RNF166: variants seen among roughly 807,000 people sequenced by gnomAD.
The protein encoded by RNF166 is ring finger protein 166.
Under a neutral mutation model 29.4 loss-of-function variants are expected in RNF166, and 19 were observed. The observed-to-expected ratio is 0.65, with a 90% CI of 0.45 to 0.95. RNF166 has a LOEUF of 0.95. Among genes scored for constraint, RNF166 ranks in the 40% least tolerant of loss-of-function variants. The pLI is 0.00. For synonymous variants in RNF166, 171 were observed against 134.5 expected, an observed-to-expected ratio of 1.27 and a Z score of -1.88; for missense variants, 347 against 322.1, an observed-to-expected ratio of 1.08 and a Z score of -0.59.
chr16:88,700,671 G>T, intron 2 of RNF166: 7 of 986,984 alleles, frequency 7.1e-6, no homozygotes, highest in Non-Finnish European at 8.4e-6. Flanking sequence ...GCTGGCTGGG[G>T]CCTCTCCACC....
At chr16:88,700,119 G>A (rs1347142404) in intron 2 of RNF166, 1 of 163,016 alleles carries the variant, frequency 6.1e-6, no homozygotes, top group Non-Finnish European at 1.4e-5. Flanking sequence ...GGGGCAAGCT[G>A]GGGATGCTTC....
intron 1 of RNF166, chr16:88,703,356 C>T (rs985811271): frequency 6.1e-6 from 6 of 985,460 alleles, no homozygotes; most frequent in Non-Finnish European, 7.2e-6. Flanking sequence ...CACAGCACGG[C>T]CACGGGCTGA....
At chr16:88,705,714 T>G (rs1910719371) in intron 1 of RNF166, among the ~76,000 whole-genome samples, 1 of 152,250 alleles carries the variant, frequency 6.6e-6, no homozygotes, top group South Asian at 2.1e-4. Flanking sequence ...ACTCCTTTCC[T>G]CTGTAGTCAA....
chr16:88,705,492 G>T (rs1049884836), intron 1 of RNF166, among the ~76,000 whole-genome samples: 5 of 152,230 alleles, frequency 3.3e-5, no homozygotes, highest in Non-Finnish European at 4.4e-5. Flanking sequence ...CTCCCCGCCA[G>T]GAGAGCCACG....
In RNF166 at chr16:88,706,345, C is replaced by A; in HGVS notation, c.-20G>T. 1 of 1,212,586 alleles carries A rather than the reference C, an allele frequency of 8.2e-7. No individual in the cohort carries two copies. The highest frequency in any genetic ancestry group is 1.0e-6 in the Non-Finnish European group (1 of 975,868). 75.1% of individuals were successfully genotyped at this position (1,212,586 alleles called of 1,614,324 possible). A position where few individuals can be genotyped will look rare whatever the true frequency, so the allele number is the denominator to read the frequency against. The stretch of plus-strand genomic sequence containing the variant: ...AGCCATCCCGGGGCCAGGCCCGCGC[C>A]GCCCGCCGCCCGCTGTCCTGGCCCG... On this transcript the variant is annotated 5_prime_UTR_variant, in exon 1 of 6. Transcript: ENST00000312838.
At chr16:88,703,840 C>G in intron 1 of RNF166, 4 of 985,412 alleles carry the variant, frequency 4.1e-6, no homozygotes, top group Non-Finnish European at 4.8e-6. Context: ...TGGGACGGCC[C>G]GTGCCTCAGG....
At chr16:88,699,489 G>A (rs1738258652) in intron 3 of RNF166, 131 bp downstream of exon 3, 1 of 690,368 alleles carries the variant, frequency 1.4e-6, no homozygotes, top group Non-Finnish European at 2.4e-6. Context: ...GGCAAGGAAG[G>A]TCCACTTCCC....
intron 1 of RNF166, among the ~76,000 whole-genome samples, chr16:88,705,187 G>T (rs989116388): frequency 6.6e-6 from 1 of 152,206 alleles, no homozygotes; most frequent in African/African-American, 2.4e-5. Flanking sequence ...CCACCTCCGT[G>T]GGTGACCAGC....
intron 1 of RNF166, among the ~76,000 whole-genome samples, 175 bp downstream of exon 1, chr16:88,705,996 G>A (rs1056121470): frequency 2.0e-5 from 3 of 151,938 alleles, no homozygotes; most frequent in Non-Finnish European, 4.4e-5. Flanking sequence ...AACGCGCCCA[G>A]AGGGCAGAGG....
intron 1 of RNF166, among the ~76,000 whole-genome samples, chr16:88,704,837 G>A (rs764129186): frequency 2.6e-4 from 39 of 152,192 alleles, no homozygotes; most frequent in South Asian, 1.2e-3. Context: ...TAAAAATACA[G>A]CAATTAGCCG....
At position 88,698,804 on chromosome 16, in the gene RNF166, C is replaced by T. The variant is rs548493633; in HGVS notation, c.540+167G>A. On this transcript the variant is annotated intron_variant, in intron 4 of 5. Coordinates refer to ENST00000312838, the MANE Select transcript of RNF166 (RefSeq NM_178841.4). ...CCCTGAAGGACTCATGGACACTCCC[C>T]GGTTTCCGCCAGGTGCTGCTCGGGC... Among the ~76,000 whole-genome samples the T allele has an allele frequency of 5.3e-5, 8 of 152,330 alleles. No homozygotes were observed. In the South Asian group the frequency reaches 8.3e-4, roughly 16 times the overall value.
intron 1 of RNF166, chr16:88,704,245 A>G: frequency 1.0e-6 from 1 of 985,466 alleles, no homozygotes; most frequent in African/African-American, 1.7e-5. Flanking sequence ...CCTTAGCAAC[A>G]CCAACAAGAA....
intron 1 of RNF166, among the ~76,000 whole-genome samples, chr16:88,702,300 G>A (rs1910326192): frequency 6.6e-6 from 1 of 152,220 alleles, no homozygotes; most frequent in Non-Finnish European, 1.5e-5. Flanking sequence ...GCACTGTGGG[G>A]ACAGCTGAGC....
chr16:88,703,538 G>C (rs1391763635), intron 1 of RNF166: 4 of 985,278 alleles, frequency 4.1e-6, no homozygotes, highest in Non-Finnish European at 4.8e-6. Context: ...GCAGAACGAG[G>C]CACCCACAGG....
At chr16:88,701,481 C>T in intron 1 of RNF166, 63 bp from the exon 2 acceptor site, 2 of 1,453,104 alleles carry the variant, frequency 1.4e-6, no homozygotes, top group Non-Finnish European at 1.8e-6. Flanking sequence ...GCAGGCCTTG[C>T]TCGGGGCCCT....
At position 88,698,520 on chromosome 16, in the gene RNF166, G is replaced by T; in HGVS notation, c.630C>A (p.Phe210Leu). ...TGCCTACCACAAAGGTGTCGTAGGAGAACTTGTGTCGGTGAAGCAGGTGCT... is the reference window on the plus strand; with the variant it reads ...TGCCTACCACAAAGGTGTCGTAGGATAACTTGTGTCGGTGAAGCAGGTGCT... Reference protein sequence around the residue: ...FLQHLLHRHKFSYDTFVDYSI... With the variant: ...FLQHLLHRHKLSYDTFVDYSI... The change falls in exon 5 of 6, where the codon TTC becomes TTA. Residue 210 changes from phenylalanine to leucine, a missense_variant. Coordinates refer to ENST00000312838, the MANE Select transcript of RNF166 (RefSeq NM_178841.4). 6.4e-7 allele frequency: 1 copy of T among 1,571,604 alleles called. No individual in the cohort carries two copies. Among genetic ancestry groups the T allele is most frequent in the Non-Finnish European group, 8.6e-7 (1 of 1,158,100 alleles).
Position 88,706,352 on chromosome 16 carries a change from C to CGCCCGCTGTCCTG in RNF166, c.-40_-28dup, listed in dbSNP as rs1555549369. Reference sequence around the variant, plus strand: ...CCGGGGCCAGGCCCGCGCCGCCCGCCGCCCGCTGTCCTGGCCCGGGCCGGC... The same window carrying CGCCCGCTGTCCTG: ...CCGGGGCCAGGCCCGCGCCGCCCGCCGCCCGCTGTCCTGGCCCGCTGTCCTGGCCCGGGCCGGC... On this transcript the variant is annotated 5_prime_UTR_variant, in exon 1 of 6. Transcript: ENST00000312838. The CGCCCGCTGTCCTG allele has an allele frequency of 8.2e-7, 1 of 1,215,088 alleles. No individual in the cohort carries two copies. The highest frequency in any genetic ancestry group is 1.0e-6 in the Non-Finnish European group (1 of 977,712). 75.3% of individuals were successfully genotyped at this position (1,215,088 alleles called of 1,614,324 possible). A position where few individuals can be genotyped will look rare whatever the true frequency, so the allele number is the denominator to read the frequency against.
rs1909820175 is a variant in RNF166, at chr16:88,698,154, G to T, written c.648+348C>A. 1.3e-5 allele frequency: 8 copies of T among 601,572 alleles called. 2 individuals are homozygous for T. Among genetic ancestry groups the T allele is most frequent in the Middle Eastern group, 4.4e-4 (1 of 2,258 alleles). 37.3% of individuals were successfully genotyped at this position (601,572 alleles called of 1,614,324 possible). ...GGTGGGAAAAGGAGACAGGGCTGGA[G>T]TGTTCGATGTTGATGAAAGTCCTTC... On this transcript the variant is annotated intron_variant, in intron 5 of 5. Coordinates refer to ENST00000312838, the MANE Select transcript of RNF166 (RefSeq NM_178841.4).
rs1318739085 is a variant in RNF166 at position 88,697,546 on chromosome 16, A to C, written c.*22T>G. The C allele has an allele frequency of 1.3e-6, 2 of 1,539,780 alleles. No individual in the cohort carries two copies. Among genetic ancestry groups the C allele is most frequent in the African/African-American group, 2.7e-5 (2 of 72,862 alleles). On this transcript the variant is annotated 3_prime_UTR_variant, in exon 6 of 6. Transcript: ENST00000312838. ...CGGGGACATCCCTGACCCCAGACGC[A>C]GGCGGGTGGCTGCGCTTCCCTTCAG...
Sources: allele counts gnomAD v4.1 joint callset (sites outside exome capture counted in the v4.1 genomes callset), GRCh38; gene constraint gnomAD v4.1.1; transcripts MANE v1.5; gene names NCBI Gene and HGNC (gene_info 2026-07-23, HGNC 2026-07-21).